The following MYO9B variants were observed in gnomAD, a reference collection of about 807,000 sequenced individuals.
The protein encoded by MYO9B is myosin IXB.
Under a neutral mutation model 229.5 loss-of-function variants are expected in MYO9B, and 71 were observed. The observed-to-expected ratio is 0.31, with a 90% CI of 0.26 to 0.38. The LOEUF is 0.38. Among genes scored for constraint, MYO9B ranks in the 10% least tolerant of loss-of-function variants. The pLI is 1.00. For synonymous variants in MYO9B, 1,185 were observed against 1,235.8 expected (o/e 0.96, Z 0.86); for missense variants, 2,255 against 2,920.5 (o/e 0.77, Z 5.25).
intron 1 of MYO9B, among the ~76,000 whole-genome samples, chr19:17,098,709 A>G (rs139182406): frequency 1.3e-5 from 2 of 152,324 alleles, no homozygotes; most frequent in Non-Finnish European, 2.9e-5. Flanking sequence ...CAGGTGGATC[A>G]TTTGAGCCCA....
chr19:17,082,982 AGTGCCC>A (rs1568650692), intron 1 of MYO9B, among the ~76,000 whole-genome samples: 1 of 150,034 alleles, frequency 6.7e-6, no homozygotes, highest in East Asian at 2.0e-4. Flanking sequence ...TAACATGTCA[AGTGCCC>A]GTGGGTCCTC....
intron 1 of MYO9B, among the ~76,000 whole-genome samples, chr19:17,083,967 C>T (rs534737274): frequency 2.0e-5 from 3 of 151,954 alleles, no homozygotes; most frequent in Non-Finnish European, 4.4e-5. Context: ...TTTAAATACA[C>T]AAAGTGAATG....
At chr19:17,126,637 C>T (rs2058021984) in intron 2 of MYO9B, among the ~76,000 whole-genome samples, 1 of 151,868 alleles carries the variant, frequency 6.6e-6, no homozygotes, top group African/African-American at 2.4e-5. Flanking sequence ...TCAATTTCAG[C>T]CATCAAGAGA....
rs1395211453 is a variant in MYO9B, at chr19:17,156,930, C to T, written c.1221C>T (p.Ala407=). ...TKKQIFAVLS[A]ILYLGNVTYK... is the part of the protein sequence containing the mutation. ...CCAGGATTTTTGCCGTCCTCTCGGC[C>T]ATCCTGTACCTGGGCAACGTCACTT... is the stretch of plus-strand genomic sequence containing the variant. The change falls in exon 7 of 40, where the codon GCC becomes GCT. Residue 407 remains alanine, a synonymous_variant. Coordinates refer to ENST00000682292, the MANE Select transcript of MYO9B (RefSeq NM_004145.4). 6.2e-7 allele frequency: 1 copy of T among 1,613,230 alleles called. No individual in the cohort carries two copies. The highest frequency in any genetic ancestry group is 8.5e-7 in the Non-Finnish European group (1 of 1,179,712).
At chr19:17,204,678 T>TA (rs1380366091) in intron 30 of MYO9B, among the ~76,000 whole-genome samples, 1 of 150,220 alleles carries the variant, frequency 6.7e-6, no homozygotes, top group Non-Finnish European at 1.5e-5. Context: ...ACCCCATCTA[T>TA]ACAAAAAAAA....
intron 37 of MYO9B, 155 bp from the exon 38 acceptor site, chr19:17,210,560 T>A (rs189964613): frequency 8.8e-6 from 11 of 1,244,384 alleles, no homozygotes; most frequent in Non-Finnish European, 1.1e-5. Flanking sequence ...ATCGGCCACA[T>A]GACCACCACT....
intron 18 of MYO9B, 109 bp from the exon 19 acceptor site, chr19:17,187,826 G>T: frequency 1.2e-6 from 1 of 850,336 alleles, no homozygotes; most frequent in Non-Finnish European, 1.9e-6. Context: ...GGCAGTGGTC[G>T]CATGGGGAAG....
rs752211018 is a variant in MYO9B, at chr19:17,195,301, G to A, written c.3874G>A (p.Gly1292Arg). The change falls in exon 22 of 40, where the codon GGA becomes AGA. Residue 1292 changes from glycine (G) to arginine (R), a missense_variant. Gly to Arg is a moderately radical substitution (Grantham distance 125). Coordinates refer to ENST00000682292, the MANE Select transcript of MYO9B (RefSeq NM_004145.4). This position sits in a 1 kb window ranked among gnomAD's most constrained non-coding sequence, Gnocchi z 4.5. The stretch of plus-strand genomic sequence containing the variant: ...GGTTCAGGAAAAGCCCGACAGCCCC[G>A]GAGGCTCCACGCAGATCCAGCGGTA... ...PRVQEKPDSPGGSTQIQRYLD... is the reference protein window; with the variant it reads ...PRVQEKPDSPRGSTQIQRYLD... The A allele has an allele frequency of 7.4e-6, 12 of 1,612,404 alleles. No homozygotes were observed. The highest frequency in any genetic ancestry group is 1.6e-4 in the Middle Eastern group (1 of 6,082).
At chr19:17,162,593 C>G (rs2145317002) in intron 9 of MYO9B, 127 bp downstream of exon 9, 2 of 799,442 alleles carry the variant, frequency 2.5e-6, no homozygotes, top group Middle Eastern at 4.9e-4. Flanking sequence ...TGTTTCCCCA[C>G]AAGGACAGGC....
At chr19:17,192,669 G>A in intron 20 of MYO9B, 77 bp from the exon 21 acceptor site, 2 of 1,301,638 alleles carry the variant, frequency 1.5e-6, no homozygotes, top group Non-Finnish European at 1.0e-6. Context: ...CTCTGGAGTG[G>A]GCTATGCAGA....
chr19:17,171,336 T>C (rs2072722590), intron 11 of MYO9B, among the ~76,000 whole-genome samples: 1 of 150,860 alleles, frequency 6.6e-6, no homozygotes, highest in South Asian at 2.1e-4. Context: ...CCCCACAATC[T>C]CCCCCTCCCC....
chr19:17,143,530 T>C (rs1310768649), intron 2 of MYO9B, among the ~76,000 whole-genome samples: 1 of 152,112 alleles, frequency 6.6e-6, no homozygotes, highest in Non-Finnish European at 1.5e-5. Flanking sequence ...GTTCTCACTT[T>C]CAAGTGGGAG....
At chr19:17,141,680 T>G (rs2072341933) in intron 2 of MYO9B, among the ~76,000 whole-genome samples, 1 of 152,056 alleles carries the variant, frequency 6.6e-6, no homozygotes, top group East Asian at 1.9e-4. Context: ...GGCTCCGTCT[T>G]AACCACTCTG....
intron 33 of MYO9B, 60 bp from the exon 34 acceptor site, chr19:17,206,619 G>T: frequency 6.9e-7 from 1 of 1,448,708 alleles, no homozygotes. Context: ...GTGTTGGTGG[G>T]GACAACAGGC....
At chr19:17,165,737 T>C (rs2072652252) in intron 10 of MYO9B, among the ~76,000 whole-genome samples, 1 of 152,136 alleles carries the variant, frequency 6.6e-6, no homozygotes, top group Admixed American at 6.6e-5. Context: ...ATCGCACCGC[T>C]GCACTCCAAT....
chr19:17,194,596 A>G lies in MYO9B; in HGVS notation c.3169A>G (p.Lys1057Glu), dbSNP rs764082274. The change falls in exon 22 of 40, where the codon AAG (lysine) becomes GAG (glutamate). Residue 1057 changes from lysine (K) to glutamate (E), a missense_variant. Lys to Glu is a moderately conservative substitution (Grantham distance 56). This residue lies in a region of MYO9B where 679 missense variants were observed against 770.2 expected (regional missense o/e 0.88). Coordinates refer to ENST00000682292, the MANE Select transcript of MYO9B (RefSeq NM_004145.4). Reference sequence around the variant, plus strand: ...CTCGGAGAAGCAGAAGGCAGAAGAGAAGGAGAGGGAAGCCCTGGAAGCCGC... The same window carrying G: ...CTCGGAGAAGCAGAAGGCAGAAGAGGAGGAGAGGGAAGCCCTGGAAGCCGC... ...MISEKQKAEE[K>E]EREALEAARA... The G allele has an allele frequency of 6.2e-7, 1 of 1,612,810 alleles. No homozygotes were observed. Among genetic ancestry groups the G allele is most frequent in the Non-Finnish European group, 8.5e-7 (1 of 1,179,856 alleles).
chr19:17,116,200 G>C (rs907664477), intron 2 of MYO9B, among the ~76,000 whole-genome samples: 1 of 152,210 alleles, frequency 6.6e-6, no homozygotes, highest in African/African-American at 2.4e-5. Context: ...CGTGCATCCT[G>C]CCTGCAGGGC....
chr19:17,193,767 A>G lies in MYO9B; in HGVS notation c.3128+705A>G, dbSNP rs2145453472. Among the ~76,000 whole-genome samples, 1 of 152,294 alleles carries G rather than the reference A, an allele frequency of 6.6e-6. No individual in the cohort carries two copies. The highest frequency in any genetic ancestry group is 1.9e-4 in the East Asian group (1 of 5,184). On this transcript the variant is annotated intron_variant, in intron 21 of 39. Transcript: ENST00000682292. This position sits in a 1 kb window ranked among gnomAD's most constrained non-coding sequence, Gnocchi z 4.3. The stretch of plus-strand genomic sequence containing the variant: ...GTGGTACACACCTGTAGTCCCAGCT[A>G]TTCAGGAAGCTGAGGTGGGAGGATC...
intron 2 of MYO9B, among the ~76,000 whole-genome samples, chr19:17,125,939 CTG>C (rs1404977395): frequency 1.3e-5 from 2 of 152,196 alleles, no homozygotes; most frequent in Non-Finnish European, 2.9e-5. Context: ...CGCAGGCCAA[CTG>C]AGCCTGCAGC....
Sources: gnomAD v4.1 joint callset for allele counts (sites outside exome capture counted in the v4.1 genomes callset) on GRCh38, gnomAD v4.1.1 for gene constraint, gnomAD v4.1.1 regional missense constraint, Gnocchi (gnomAD v3.1) non-coding constraint, MANE v1.5 for transcripts, NCBI Gene and HGNC (gene_info 2026-07-23, HGNC 2026-07-21) for gene names.